Variants in RTF1 observed in about 807,000 individuals in gnomAD.
RTF1 encodes RTF1 homolog, Paf1/RNA polymerase II complex component.
Under a neutral mutation model 95.7 loss-of-function variants are expected in RTF1, and 10 were observed. The ratio of observed to expected loss-of-function variants is 0.10; its 90% CI spans 0.06 to 0.18. The LOEUF (loss-of-function observed/expected upper bound fraction) is 0.18. Ranked by LOEUF, RTF1 falls within the 10% of genes least tolerant of loss-of-function variation. RTF1 has a pLI of 1.00. For synonymous variants in RTF1, 305 were observed against 311.8 expected (o/e 0.98, Z 0.23); for missense variants, 458 against 875.6 (o/e 0.52, Z 6.02).
intron 1 of RTF1, among the ~76,000 whole-genome samples, chr15:41,420,588 A>T (rs2140942982): frequency 6.6e-6 from 1 of 152,154 alleles, no homozygotes; most frequent in East Asian, 1.9e-4. Flanking sequence ...CAGATCACTG[A>T]GTATCTAGTG....
intron 4 of RTF1, among the ~76,000 whole-genome samples, chr15:41,464,119 G>A (rs1266926090): frequency 1.4e-4 from 21 of 151,270 alleles, no homozygotes; most frequent in Admixed American, 1.4e-3. Flanking sequence ...CAAAGTGCTG[G>A]GATTACAGGT....
At chr15:41,424,081 TAGAC>T (rs2050616896) in intron 1 of RTF1, among the ~76,000 whole-genome samples, 1 of 152,130 alleles carries the variant, frequency 6.6e-6, no homozygotes, top group Non-Finnish European at 1.5e-5. Flanking sequence ...ACAGATGTAT[TAGAC>T]AGCGTTAGAC....
At chr15:41,457,184 T>C (rs2050822887) in intron 3 of RTF1, among the ~76,000 whole-genome samples, 1 of 152,160 alleles carries the variant, frequency 6.6e-6, no homozygotes. Flanking sequence ...GGAGGATTGC[T>C]TGAGCCCAAG....
chr15:41,418,625 A>G (rs987484488), intron 1 of RTF1, among the ~76,000 whole-genome samples: 3 of 152,048 alleles, frequency 2.0e-5, no homozygotes, highest in African/African-American at 4.8e-5. Flanking sequence ...AGCCTGACCA[A>G]CATGGAGAAA....
intron 1 of RTF1, among the ~76,000 whole-genome samples, chr15:41,427,502 C>T (rs1385624999): frequency 6.6e-6 from 1 of 151,970 alleles, no homozygotes; most frequent in Non-Finnish European, 1.5e-5. Flanking sequence ...GCCTGTGGTC[C>T]CAGCTATTCA....
chr15:41,478,532 A>G lies in RTF1; in HGVS notation c.1741-16A>G. On this transcript the variant is annotated splice_polypyrimidine_tract_variant and intron_variant, in intron 14 of 17. Coordinates refer to ENST00000389629, the MANE Select transcript of RTF1 (RefSeq NM_015138.5). ...GGCTGGAGGTGCAGTTCTGTGGTGCATGCTTTCTGTTTCAGGCTGAAAGTC... is the reference window on the plus strand; with the variant it reads ...GGCTGGAGGTGCAGTTCTGTGGTGCGTGCTTTCTGTTTCAGGCTGAAAGTC... The G allele has an allele frequency of 6.2e-7, 1 of 1,611,478 alleles. No individual in the cohort carries two copies. Among genetic ancestry groups the G allele is most frequent in the South Asian group, 1.1e-5 (1 of 90,994 alleles).
intron 1 of RTF1, among the ~76,000 whole-genome samples, chr15:41,422,416 A>G (rs1011681093): frequency 1.3e-5 from 2 of 152,236 alleles, no homozygotes; most frequent in African/African-American, 4.8e-5. Flanking sequence ...TTAAATTTCA[A>G]GATACTTGCT....
At chr15:41,473,682 C>T (rs1175662639) in intron 8 of RTF1, among the ~76,000 whole-genome samples, 1 of 152,112 alleles carries the variant, frequency 6.6e-6, no homozygotes, top group Non-Finnish European at 1.5e-5. Flanking sequence ...CCTACAACAG[C>T]CTCTTGAGTA....
rs772082784 is a variant in RTF1 at position 41,453,897 on chromosome 15, C to G, written c.457+849C>G. Among the ~76,000 whole-genome samples, 15 of 151,912 alleles carry G rather than the reference C, an allele frequency of 9.9e-5. No homozygotes were observed. In the South Asian group the frequency reaches 1.5e-3, roughly 15 times the overall value. On this transcript the variant is annotated intron_variant, in intron 3 of 17. Transcript: ENST00000389629. ...GCTGACTTTATAAAATTGGCCTAAC[C>G]CGGTTTTGAGCACATGCCTATGAAT...
chr15:41,471,103 A>G (rs1451581047), intron 7 of RTF1, 69 bp from the exon 8 acceptor site: 1 of 1,433,286 alleles, frequency 7.0e-7, no homozygotes, highest in African/African-American at 1.4e-5. Flanking sequence ...TGAGGAGTTG[A>G]TATTATTTTT....
chr15:41,468,347 T>G (rs1331905514), intron 6 of RTF1, among the ~76,000 whole-genome samples: 4 of 150,002 alleles, frequency 2.7e-5, no homozygotes. Context: ...AGACGGAGTC[T>G]CGCTCTGTCG....
At chr15:41,466,744 G>A (rs374452438) in intron 6 of RTF1, among the ~76,000 whole-genome samples, 10 of 152,158 alleles carry the variant, frequency 6.6e-5, no homozygotes, top group East Asian at 1.9e-4. Flanking sequence ...CTGTTAATAC[G>A]TCCCTTAAGG....
At chr15:41,455,914 A>G (rs2050812362) in intron 3 of RTF1, among the ~76,000 whole-genome samples, 2 of 151,776 alleles carry the variant, frequency 1.3e-5, no homozygotes, top group East Asian at 3.9e-4. Context: ...CCACTAAAGA[A>G]CTTATCCATG....
In RTF1 at chr15:41,481,625, C is replaced by G. The variant is rs548354351; in HGVS notation, c.*938C>G. On this transcript the variant is annotated 3_prime_UTR_variant, in exon 18 of 18. Coordinates refer to ENST00000389629, the MANE Select transcript of RTF1 (RefSeq NM_015138.5). ...GAGGGCAGTGAATGTCTTGCTCTTCCCATGGGTACAGCCCACAGCTTCTTG... is the reference window on the plus strand; with the variant it reads ...GAGGGCAGTGAATGTCTTGCTCTTCGCATGGGTACAGCCCACAGCTTCTTG... The G allele has an allele frequency of 2.0e-5, 3 of 152,476 alleles. No individual in the cohort carries two copies. Among genetic ancestry groups the G allele is most frequent in the Non-Finnish European group, 4.4e-5 (3 of 68,048 alleles). The allele number at this position is 152,476 out of a possible 1,614,324, so 9.4% of individuals were successfully genotyped here. A position where few individuals can be genotyped will look rare whatever the true frequency, so the allele number is the denominator to read the frequency against.
At chr15:41,441,932 C>G (rs970989160) in intron 2 of RTF1, among the ~76,000 whole-genome samples, 1 of 152,156 alleles carries the variant, frequency 6.6e-6, no homozygotes, top group African/African-American at 2.4e-5. Context: ...GCCCAAGATA[C>G]TAGCTTAGCA....
At chr15:41,470,653 T>C in intron 7 of RTF1, among the ~76,000 whole-genome samples, 1 of 121,838 alleles carries the variant, frequency 8.2e-6, no homozygotes, top group South Asian at 2.9e-4. Context: ...TCATTTTCTT[T>C]TTTTTTTTTT....
chr15:41,433,316 G>C (rs888090598), intron 1 of RTF1, among the ~76,000 whole-genome samples: 6 of 152,148 alleles, frequency 3.9e-5, no homozygotes, highest in Non-Finnish European at 8.8e-5. Flanking sequence ...AGGGGTCAGA[G>C]AAGAGATTAC....
intron 1 of RTF1, among the ~76,000 whole-genome samples, chr15:41,432,870 C>T (rs959950372): frequency 3.2e-4 from 48 of 151,260 alleles, no homozygotes; most frequent in Admixed American, 2.0e-3. Context: ...ACCAGGAGGC[C>T]GAGGTTGTAG....
chr15:41,483,407 T>C lies in RTF1; in HGVS notation c.*2720T>C, dbSNP rs1431979506. On this transcript the variant is annotated 3_prime_UTR_variant, in exon 18 of 18. Transcript: ENST00000389629. ...CCATCTGCCTAGTTCATAATGTTTA[T>C]AGGTCTGTTTGTCTGTCTTGCTTCT... 4 of 152,676 alleles carry C rather than the reference T, an allele frequency of 2.6e-5. No individual in the cohort carries two copies. The highest frequency in any genetic ancestry group is 7.2e-5 in the African/African-American group (3 of 41,464). The allele number at this position is 152,676 out of a possible 1,614,324, so 9.5% of individuals were successfully genotyped here. A position where few individuals can be genotyped will look rare whatever the true frequency, so the allele number is the denominator to read the frequency against.
Sources: allele counts gnomAD v4.1 joint callset (sites outside exome capture counted in the v4.1 genomes callset), GRCh38; gene constraint gnomAD v4.1.1; transcripts MANE v1.5; gene names NCBI Gene and HGNC (gene_info 2026-07-23, HGNC 2026-07-21).